MICALL1: variants seen among roughly 807,000 people sequenced by gnomAD.
MICALL1 encodes the protein MICAL like 1.
In MICALL1, 61 loss-of-function variants were observed where a neutral mutation model predicts 83.7. The observed-to-expected ratio is 0.73, with a 90% CI of 0.59 to 0.90. MICALL1 has a LOEUF of 0.90. MICALL1 is among the 40% of genes least tolerant of loss of function. MICALL1 has a pLI of 0.00. For synonymous variants in MICALL1, 481 were observed against 473.6 expected (o/e 1.02, Z -0.20); for missense variants, 1,066 against 1,152.0 (o/e 0.93, Z 1.08).
intron 15 of MICALL1, among the ~76,000 whole-genome samples, chr22:37,939,507 G>A (rs962340150): frequency 4.6e-5 from 7 of 152,202 alleles, no homozygotes; most frequent in African/African-American, 1.7e-4. Flanking sequence ...CAGGCGCGGT[G>A]GCTCACGCCT....
chr22:37,912,449 C>T lies in MICALL1; in HGVS notation c.294C>T (p.Thr98=), dbSNP rs1216597784. 6.2e-7 allele frequency: 1 copy of T among 1,613,780 alleles called. No homozygotes were observed. ...MSVPDCLSIM[T]YVSQYYNHFC... is the part of the protein sequence containing the mutation. ...TCCCTGACTGCCTCAGCATCATGACCTATGTGTCCCAGTATTACAACCACT... is the reference window on the plus strand; with the variant it reads ...TCCCTGACTGCCTCAGCATCATGACTTATGTGTCCCAGTATTACAACCACT... The change falls in exon 3 of 16, where the codon ACC becomes ACT. Residue 98 remains threonine (T), a synonymous_variant. Coordinates refer to ENST00000215957, the MANE Select transcript of MICALL1 (RefSeq NM_033386.4).
intron 5 of MICALL1, 106 bp downstream of exon 5, chr22:37,919,284 C>G (rs1222884175): frequency 7.6e-7 from 1 of 1,308,162 alleles, no homozygotes; most frequent in African/African-American, 1.5e-5. Flanking sequence ...CACACCAGAG[C>G]CCCTGGCTTA....
In MICALL1 at chr22:37,940,967, C is replaced by A; in HGVS notation, c.*137C>A. On this transcript the variant is annotated 3_prime_UTR_variant, in exon 16 of 16. Transcript: ENST00000215957. The stretch of plus-strand genomic sequence containing the variant: ...AGGGGAGGGATCCTCTGGGTGATGG[C>A]CTCTTCCTCCTCAGGGACCTCTGAC... 1 of 1,070,122 alleles carries A rather than the reference C, an allele frequency of 9.3e-7. No homozygotes were observed. The highest frequency in any genetic ancestry group is 1.3e-6 in the Non-Finnish European group (1 of 752,586). The allele number at this position is 1,070,122 out of a possible 1,614,324, so 66.3% of individuals were successfully genotyped here.
At chr22:37,933,212 G>T in intron 13 of MICALL1, 100 bp downstream of exon 13, 7 of 1,222,164 alleles carry the variant, frequency 5.7e-6, no homozygotes, top group Non-Finnish European at 7.1e-6. Context: ...GGATGCACAG[G>T]CAGACTGGGG....
rs777072790 is a variant in MICALL1, at chr22:37,937,734, T to C, written c.2424-12T>C. On this transcript the variant is annotated splice_polypyrimidine_tract_variant and intron_variant, in intron 14 of 15. Transcript: ENST00000215957. ...CCACCACGCCCAGCTTAACTGCTGC[T>C]GCTTATTTCAGGGAGGAAGAGGAAG... 6.2e-7 allele frequency: 1 copy of C among 1,613,034 alleles called. No individual in the cohort carries two copies. The highest frequency in any genetic ancestry group is 8.5e-7 in the Non-Finnish European group (1 of 1,179,376).
Position 37,922,344 on chromosome 22 carries a change from A to G in MICALL1, c.942A>G (p.Pro314=). 6.7e-7 allele frequency: 1 copy of G among 1,488,398 alleles called. No homozygotes were observed. The highest frequency in any genetic ancestry group is 9.0e-7 in the Non-Finnish European group (1 of 1,108,054). 92.2% of individuals were successfully genotyped at this position (1,488,398 alleles called of 1,614,324 possible). ...GGAAGGCCTCTGAGAGCACCACCCC[A>G]GCACCCCCCACGCCCCGGCCCCGCT... ...APRKASESTT[P]APPTPRPRSS... is the part of the protein sequence containing the mutation. Residue 314 remains proline, a synonymous_variant, in exon 6 of 16, where the codon CCA becomes CCG. Coordinates refer to ENST00000215957, the MANE Select transcript of MICALL1 (RefSeq NM_033386.4).
At chr22:37,934,943 A>T (rs1250662722) in intron 13 of MICALL1, among the ~76,000 whole-genome samples, 2 of 127,046 alleles carry the variant, frequency 1.6e-5, no homozygotes, top group African/African-American at 3.0e-5. Flanking sequence ...TTTTTATTTT[A>T]TTTTTTGAGA....
Position 37,941,130 on chromosome 22 carries a change from G to A in MICALL1, c.*300G>A. The A allele has an allele frequency of 3.7e-6, 1 of 272,704 alleles. No individual in the cohort carries two copies. Among genetic ancestry groups the A allele is most frequent in the Non-Finnish European group, 7.4e-6 (1 of 135,650 alleles). The allele number at this position is 272,704 out of a possible 1,614,324, so 16.9% of individuals were successfully genotyped here. A position where few individuals can be genotyped will look rare whatever the true frequency, so the allele number is the denominator to read the frequency against. ...AATAGGGTCCCAGGGTCCAGGGAGG[G>A]GCGCCTGCTGAGCACTTCCGCCCCT... On this transcript the variant is annotated 3_prime_UTR_variant, in exon 16 of 16. Transcript: ENST00000215957.
Position 37,937,145 on chromosome 22 carries a change from A to G in MICALL1, c.2374A>G (p.Ile792Val). 1 of 1,545,302 alleles carries G rather than the reference A, an allele frequency of 6.5e-7. No individual in the cohort carries two copies. ...KVLMQELVTL[I>V]EQRNAIINCL... is the part of the protein sequence containing the mutation. ...GCTGATGCAGGAGCTTGTGACCCTC[A>G]TTGAGCAGCGCAACGCTATCATCAA... is the stretch of plus-strand genomic sequence containing the variant. The change falls in exon 14 of 16, where the codon ATT becomes GTT. Residue 792 changes from isoleucine to valine, a missense_variant. By Grantham distance (29) the Ile-to-Val change is conservative (BLOSUM62 3). Coordinates refer to ENST00000215957, the MANE Select transcript of MICALL1 (RefSeq NM_033386.4).
At chr22:37,931,519 G>A (rs1388651596) in intron 9 of MICALL1, among the ~76,000 whole-genome samples, 2 of 152,220 alleles carry the variant, frequency 1.3e-5, no homozygotes, top group Admixed American at 1.3e-4. Flanking sequence ...TTATGCCACA[G>A]CTGCACCCAG....
At chr22:37,914,231 C>T (rs1260832155) in intron 3 of MICALL1, among the ~76,000 whole-genome samples, 4 of 140,276 alleles carry the variant, frequency 2.9e-5, no homozygotes, top group Non-Finnish European at 6.2e-5. Context: ...TCTTTTCTTT[C>T]TTTTTTTTTT....
chr22:37,917,618 T>C, intron 3 of MICALL1, 89 bp from the exon 4 acceptor site: 1 of 1,203,852 alleles, frequency 8.3e-7, no homozygotes, highest in Non-Finnish European at 1.2e-6. Context: ...AGGTGATGGC[T>C]ACAGGTCTCA....
chr22:37,907,871 C>T (rs568416876), intron 1 of MICALL1, among the ~76,000 whole-genome samples: 45 of 152,268 alleles, frequency 3.0e-4, no homozygotes, highest in African/African-American at 1.1e-3. Flanking sequence ...AATGGAAGCA[C>T]AAGGTTGATG....
chr22:37,924,594 C>G lies in MICALL1; in HGVS notation c.1025-66C>G. 1 of 1,533,496 alleles carries G rather than the reference C, an allele frequency of 6.5e-7. No individual in the cohort carries two copies. Among genetic ancestry groups the G allele is most frequent in the Non-Finnish European group, 8.9e-7 (1 of 1,118,324 alleles). 95.0% of individuals were successfully genotyped at this position (1,533,496 alleles called of 1,614,324 possible). A position where few individuals can be genotyped will look rare whatever the true frequency, so the allele number is the denominator to read the frequency against. ...GCTCCTGGGGAGGCAGGTGCTGTGG[C>G]TGGCTCCCTGGGTGCCCACCTCCTG... is the stretch of plus-strand genomic sequence containing the variant. On this transcript the variant is annotated intron_variant, in intron 6 of 15. Coordinates refer to ENST00000215957, the MANE Select transcript of MICALL1 (RefSeq NM_033386.4). The surrounding 1 kb of genome is among the most constrained non-coding windows in gnomAD (Gnocchi z 5.2).
At chr22:37,921,442 A>G (rs934369271) in intron 5 of MICALL1, among the ~76,000 whole-genome samples, 1 of 152,096 alleles carries the variant, frequency 6.6e-6, no homozygotes, top group African/African-American at 2.4e-5. Context: ...GTGTGGTGGC[A>G]GATGCCTGTA....
Position 37,933,021 on chromosome 22 carries a change from C to G in MICALL1, c.2235-18C>G, listed in dbSNP as rs1015914507. 1 of 1,613,898 alleles carries G rather than the reference C, an allele frequency of 6.2e-7. No homozygotes were observed. The highest frequency in any genetic ancestry group is 1.7e-5 in the Admixed American group (1 of 59,980). On this transcript the variant is annotated intron_variant, in intron 12 of 15. Transcript: ENST00000215957. Reference sequence around the variant, plus strand: ...GCTCGGGCAGAATTGTTAAGAGTCACCTTATTCCCACCCCTAGCTTCAAGC... The same window carrying G: ...GCTCGGGCAGAATTGTTAAGAGTCAGCTTATTCCCACCCCTAGCTTCAAGC...
rs1006970988 is a variant in MICALL1, at chr22:37,926,000, A to C, written c.1422A>C (p.Thr474=). Residue 474 remains threonine (T), a synonymous_variant, in exon 8 of 16, where the codon ACA becomes ACC. Transcript: ENST00000215957. The part of the protein sequence containing the change: ...YGITPTSSPK[T]KKRPAPRAPS... ...TCACCCCTACCAGCAGCCCCAAGAC[A>C]AAGAAGCGCCCTGCCCCGCGCGCAC... 5.6e-6 allele frequency: 9 copies of C among 1,613,174 alleles called. No individual in the cohort carries two copies. In the African/African-American group the frequency reaches 1.2e-4, roughly 22 times the overall value.
chr22:37,928,613 A>T (rs552439739), intron 9 of MICALL1, among the ~76,000 whole-genome samples: 1 of 152,042 alleles, frequency 6.6e-6, no homozygotes, highest in Non-Finnish European at 1.5e-5. Context: ...CCGTCTGTCC[A>T]TGCTTCCATC....
At position 37,925,902 on chromosome 22, in the gene MICALL1, C is replaced by T; in HGVS notation, c.1324C>T (p.Pro442Ser). 2 of 1,612,748 alleles carry T rather than the reference C, an allele frequency of 1.2e-6. No homozygotes were observed. The highest frequency in any genetic ancestry group is 1.7e-6 in the Non-Finnish European group (2 of 1,179,410). ...CAAGGAGGAAGAGGCTCCAGCTGCA[C>T]CCAGCCTGGCCACCAGCCCTGCCCT... ...EDKEEEAPAA[P>S]SLATSPALGH... Residue 442 changes from proline to serine, a missense_variant, in exon 8 of 16, where the codon CCC becomes TCC. Pro to Ser is a moderately conservative substitution (Grantham distance 74, BLOSUM62 -1). Transcript: ENST00000215957.
Sources: gnomAD v4.1 joint callset for allele counts (sites outside exome capture counted in the v4.1 genomes callset) on GRCh38, gnomAD v4.1.1 for gene constraint, Gnocchi (gnomAD v3.1) non-coding constraint, MANE v1.5 for transcripts, NCBI Gene and HGNC (gene_info 2026-07-23, HGNC 2026-07-21) for gene names.